The following CABIN1 variants were observed in gnomAD, a reference collection of about 807,000 sequenced individuals.
CABIN1 encodes the protein calcineurin-binding protein cabin-1.
Under a neutral mutation model 227.7 loss-of-function variants are expected in CABIN1, and 133 were observed. The ratio of observed to expected loss-of-function variants is 0.58; its 90% CI spans 0.51 to 0.67. The LOEUF (loss-of-function observed/expected upper bound fraction) is 0.67, where lower values mean the gene tolerates loss of function less well. CABIN1 is among the 30% of genes least tolerant of loss of function. The probability of loss-of-function intolerance (pLI) is 0.00; values close to 1 mark genes in which losing one functional copy is unlikely to be tolerated. For missense variants in CABIN1, 2,408 were observed against 2,852.5 expected, an observed-to-expected ratio of 0.84 and a Z score of 3.55; for synonymous variants, 1,086 against 1,155.1, an observed-to-expected ratio of 0.94 and a Z score of 1.21.
At chr22:24,132,121 G>C (rs942647776) in intron 28 of CABIN1, among the ~76,000 whole-genome samples, 2 of 151,736 alleles carry the variant, frequency 1.3e-5, no homozygotes, top group African/African-American at 2.4e-5. Flanking sequence ...ACCTATGGCT[G>C]ATTAGACCAG....
chr22:24,151,149 G>A (rs1692306701), intron 29 of CABIN1, among the ~76,000 whole-genome samples: 3 of 152,128 alleles, frequency 2.0e-5, no homozygotes, highest in Non-Finnish European at 4.4e-5. Context: ...CCTCTGGCTC[G>A]TGGTCAGGCT....
intron 23 of CABIN1, 63 bp downstream of exon 23, chr22:24,087,776 C>T: frequency 7.5e-6 from 12 of 1,593,028 alleles, no homozygotes; most frequent in South Asian, 1.1e-5. Flanking sequence ...GCCCTCAGGT[C>T]AACGAAGCTC....
rs540914055 is a variant in CABIN1, at chr22:24,095,971, G to A, written c.3827G>A (p.Gly1276Glu). The A allele has an allele frequency of 1.4e-5, 22 of 1,614,106 alleles. No homozygotes were observed. In the South Asian group the frequency reaches 2.3e-4, roughly 17 times the overall value. ...CATGCTTCCATCCTGAAGCTCCTGG[G>A]GAAGCCCGATTCTGGGGTTGGTGCA... The part of the protein sequence containing the change: ...RLHASILKLL[G>E]KPDSGVGAEV... Residue 1276 changes from glycine (G) to glutamate (E), a missense_variant, in exon 25 of 37, where the codon GGG becomes GAG. Gly to Glu is a moderately conservative substitution (Grantham distance 98). This residue lies in a region of CABIN1 where 649 missense variants were observed against 910.3 expected (regional missense o/e 0.71). Coordinates refer to ENST00000263119, the MANE Select transcript of CABIN1 (RefSeq NM_012295.4).
Position 24,166,515 on chromosome 22 carries a change from A to T in CABIN1, c.5008-124A>T. 2.5e-6 allele frequency: 3 copies of T among 1,186,392 alleles called. No individual in the cohort carries two copies. The South Asian group carries it at 3.7e-5, about 15-fold the overall frequency. The allele number at this position is 1,186,392 out of a possible 1,614,324, so 73.5% of individuals were successfully genotyped here. On this transcript the variant is annotated intron_variant, in intron 31 of 36. Coordinates refer to ENST00000263119, the MANE Select transcript of CABIN1 (RefSeq NM_012295.4). ...TGAAACACAGCCCTGGCCAGCTGGC[A>T]GATGTCCGGAGCCACACAGATGTCA...
At chr22:24,045,632 CA>C (rs2037814862) in intron 6 of CABIN1, among the ~76,000 whole-genome samples, 1 of 151,878 alleles carries the variant, frequency 6.6e-6, no homozygotes, top group South Asian at 2.1e-4. Flanking sequence ...TTTGTTTCCA[CA>C]TATTTAGGTA....
At position 24,062,042 on chromosome 22, in the gene CABIN1, G is replaced by C. The variant is rs766263153; in HGVS notation, c.1696+17G>C. ...GCTCTGCAGGTAGGAGGCATTATGT[G>C]TTCTGTGGCCAGGCTAATATCTGAA... On this transcript the variant is annotated intron_variant, in intron 13 of 36. Coordinates refer to ENST00000263119, the MANE Select transcript of CABIN1 (RefSeq NM_012295.4). The C allele has an allele frequency of 4.4e-6, 7 of 1,604,340 alleles. No individual in the cohort carries two copies. Among genetic ancestry groups the C allele is most frequent in the Non-Finnish European group, 8.5e-7 (1 of 1,171,914 alleles).
chr22:24,098,242 CG>C (rs766082760), intron 26 of CABIN1, 50 bp downstream of exon 26: 16 of 1,611,228 alleles, frequency 9.9e-6, no homozygotes, highest in Admixed American at 1.7e-5. Flanking sequence ...ACATCAATCA[CG>C]GGGGGGTGCT....
rs553315579 is a variant in CABIN1, at chr22:24,176,769, C to G, written c.6205+494C>G. ...AGCCCTGGCCTCAGTCCGGCCTGTT[C>G]CCACCAGCTGCCCCAACCAGCCAGA... is the stretch of plus-strand genomic sequence containing the variant. On this transcript the variant is annotated intron_variant, in intron 35 of 36. Transcript: ENST00000263119. Among the ~76,000 whole-genome samples the G allele has an allele frequency of 1.4e-3, 215 of 152,214 alleles. 1 individual carries two copies. The highest frequency in any genetic ancestry group is 2.6e-3 in the Non-Finnish European group (175 of 68,028).
chr22:24,072,344 G>A lies in CABIN1; in HGVS notation c.2476-10G>A, dbSNP rs369736466. ...TGACACTTCTGCTGTCTCCCACCCC[G>A]CACTGTCAGGTCATTGACTGCAGCA... On this transcript the variant is annotated splice_polypyrimidine_tract_variant and intron_variant, in intron 17 of 36. Transcript: ENST00000263119. The A allele has an allele frequency of 3.8e-5, 61 of 1,614,022 alleles. No individual in the cohort carries two copies. The highest frequency in any genetic ancestry group is 1.2e-4 in the Admixed American group (7 of 60,028).
chr22:24,165,320 G>A (rs543076279), intron 30 of CABIN1, among the ~76,000 whole-genome samples: 3 of 152,350 alleles, frequency 2.0e-5, no homozygotes, highest in South Asian at 4.1e-4. Context: ...AAGGGCAACA[G>A]GCTGGTGCCG....
Position 24,073,235 on chromosome 22 carries a change from C to T in CABIN1, c.2632+725C>T, listed in dbSNP as rs558610329. On this transcript the variant is annotated intron_variant, in intron 18 of 36. Transcript: ENST00000263119. Reference sequence around the variant, plus strand: ...AAGCAAAGATTGCCTGTAATCTTATCAGATAGATCTTTTTTTTTTTCCATT... The same window carrying T: ...AAGCAAAGATTGCCTGTAATCTTATTAGATAGATCTTTTTTTTTTTCCATT... Among the ~76,000 whole-genome samples, 8 of 152,226 alleles carry T rather than the reference C, an allele frequency of 5.3e-5. No homozygotes were observed. The South Asian group carries it at 1.7e-3, about 32-fold the overall frequency.
chr22:24,066,347 T>C (rs2039676651), intron 15 of CABIN1, among the ~76,000 whole-genome samples: 1 of 152,182 alleles, frequency 6.6e-6, no homozygotes. Flanking sequence ...TGGAAGGAAA[T>C]ATCAGCTGGA....
rs781528000 is a variant in CABIN1 at position 24,167,130 on chromosome 22, G to C, written c.5499G>C (p.Gly1833=). The part of the protein sequence containing the change: ...APATTTGTRA[G]GHPEEPLSRL... ...CCACCACCACAGGGACCAGGGCAGG[G>C]GGCCACCCGGAGGAGCCGCTCTCCC... Residue 1833 remains glycine, a synonymous_variant, in exon 32 of 37, where the codon GGG becomes GGC. Transcript: ENST00000263119. 1.0e-5 allele frequency: 16 copies of C among 1,583,106 alleles called. No homozygotes were observed. The highest frequency in any genetic ancestry group is 1.4e-5 in the Non-Finnish European group (16 of 1,166,714).
chr22:24,146,868 T>A (rs547904413), intron 29 of CABIN1, among the ~76,000 whole-genome samples: 1 of 152,272 alleles, frequency 6.6e-6, no homozygotes, highest in Non-Finnish European at 1.5e-5. Flanking sequence ...CCCATGACCA[T>A]CCTGCTAGGA....
intron 19 of CABIN1, among the ~76,000 whole-genome samples, chr22:24,082,251 G>A (rs1423905068): frequency 2.6e-5 from 4 of 151,844 alleles, no homozygotes; most frequent in Non-Finnish European, 5.9e-5. Flanking sequence ...CATCATGCCT[G>A]GCTAATTTTT....
chr22:24,170,686 T>C (rs945541599), intron 33 of CABIN1, among the ~76,000 whole-genome samples: 1 of 151,280 alleles, frequency 6.6e-6, no homozygotes, highest in Non-Finnish European at 1.5e-5. Flanking sequence ...CCATGTGGAA[T>C]TGAGGAACAG....
intron 26 of CABIN1, among the ~76,000 whole-genome samples, chr22:24,098,741 A>C (rs980045610): frequency 6.6e-6 from 1 of 152,154 alleles, no homozygotes; most frequent in Non-Finnish European, 1.5e-5. Flanking sequence ...CGACTGTTCA[A>C]CCACATTCCT....
In CABIN1 at chr22:24,054,938, G is replaced by A. The variant is rs573408065; in HGVS notation, c.872G>A (p.Arg291His). The change falls in exon 9 of 37, where the codon CGT becomes CAT. Residue 291 changes from arginine (R) to histidine (H), a missense_variant. Transcript: ENST00000263119. ...YNHLTTCEPP[R>H]PSLGKRIDLS... ...CATCTCACCACCTGTGAGCCCCCAC[G>A]TCCCAGCCTTGGCAAAAGGATTGAT... The A allele has an allele frequency of 6.2e-6, 10 of 1,614,164 alleles. No individual in the cohort carries two copies. Among genetic ancestry groups the A allele is most frequent in the African/African-American group, 4.0e-5 (3 of 75,038 alleles).
At chr22:24,136,355 T>G (rs1228610160) in intron 29 of CABIN1, among the ~76,000 whole-genome samples, 1 of 140,278 alleles carries the variant, frequency 7.1e-6, no homozygotes, top group African/African-American at 2.7e-5. Flanking sequence ...TCCTTTTTTT[T>G]TTTTTTTTTT....
Sources: allele counts gnomAD v4.1 joint callset (sites outside exome capture counted in the v4.1 genomes callset), GRCh38; gene constraint gnomAD v4.1.1; regional missense constraint gnomAD v4.1.1; transcripts MANE v1.5; gene names NCBI Gene and HGNC (gene_info 2026-07-23, HGNC 2026-07-21).